Variants in LRRC8D observed in about 807,000 individuals in gnomAD.
The protein encoded by LRRC8D is leucine rich repeat containing 8 VRAC subunit D.
LRRC8D carries 20 observed loss-of-function variants against 55.8 expected under a neutral mutation model. The ratio of observed to expected loss-of-function variants is 0.36; its 90% confidence interval spans 0.25 to 0.52. LRRC8D has a LOEUF of 0.52. Ranked by LOEUF, LRRC8D falls within the 20% of genes least tolerant of loss-of-function variation. LRRC8D has a pLI of 0.93. For missense variants in LRRC8D, 651 were observed against 1,030.8 expected, an observed-to-expected ratio of 0.63 and a Z score of 5.05; for synonymous variants, 352 against 377.0, an observed-to-expected ratio of 0.93 and a Z score of 0.77.
intron 2 of LRRC8D, among the ~76,000 whole-genome samples, chr1:89,919,929 C>G (rs984038142): frequency 6.6e-6 from 1 of 152,136 alleles, no homozygotes; most frequent in Non-Finnish European, 1.5e-5. Flanking sequence ...TACTGAAGCT[C>G]TTGTGAAATT....
At chr1:89,866,714 G>A (rs1287427106) in intron 2 of LRRC8D, among the ~76,000 whole-genome samples, 1 of 152,090 alleles carries the variant, frequency 6.6e-6, no homozygotes, top group Non-Finnish European at 1.5e-5. Flanking sequence ...GGCCCGATAG[G>A]CTCTCTGTTG....
At position 89,936,424 on chromosome 1, in the gene LRRC8D, A is replaced by G. The variant is rs1663858234; in HGVS notation, c.*779A>G. ...ATGTTTTCTAAAAATAAATTTTATT[A>G]CAACAAAATAAAAATTTTAATGACT... On this transcript the variant is annotated 3_prime_UTR_variant, in exon 3 of 3. Coordinates refer to ENST00000337338, the MANE Select transcript of LRRC8D (RefSeq NM_001134479.2). 6.2e-6 allele frequency: 1 copy of G among 161,512 alleles called. No individual in the cohort carries two copies. Among genetic ancestry groups the G allele is most frequent in the Non-Finnish European group, 1.5e-5 (1 of 68,100 alleles). The allele number at this position is 161,512 out of a possible 1,614,324, so 10.0% of individuals were successfully genotyped here. A position where few individuals can be genotyped will look rare whatever the true frequency, so the allele number is the denominator to read the frequency against.
At chr1:89,866,747 G>A (rs1661859508) in intron 2 of LRRC8D, among the ~76,000 whole-genome samples, 1 of 152,006 alleles carries the variant, frequency 6.6e-6, no homozygotes, top group Non-Finnish European at 1.5e-5. Context: ...GGCTATTTCT[G>A]GTTACCTAGG....
rs919592900 is a variant in LRRC8D at position 89,826,575 on chromosome 1, G to A, written c.-148+5284G>A. ...CTACCCTTAAATTTTATAGTTGAGC[G>A]TATCCAGGCACAGGGAGGTGATGTG... On this transcript the variant is annotated intron_variant, in intron 1 of 2. Transcript: ENST00000337338. Among the ~76,000 whole-genome samples, 6 of 152,122 alleles carry A rather than the reference G, an allele frequency of 3.9e-5. No homozygotes were observed. In the South Asian group the frequency reaches 6.2e-4, roughly 16 times the overall value.
chr1:89,822,482 A>G (rs540601224), intron 1 of LRRC8D, among the ~76,000 whole-genome samples: 27 of 152,200 alleles, frequency 1.8e-4, no homozygotes, highest in Non-Finnish European at 3.1e-4. Flanking sequence ...CTCTGAGGAC[A>G]TATTTTGGAA....
At chr1:89,856,262 C>T (rs1345025470) in intron 2 of LRRC8D, among the ~76,000 whole-genome samples, 1 of 151,910 alleles carries the variant, frequency 6.6e-6, no homozygotes, top group African/African-American at 2.4e-5. Flanking sequence ...ATGCTAGTAG[C>T]AAAAGTTTAG....
chr1:89,876,745 G>T (rs562516797), intron 2 of LRRC8D, among the ~76,000 whole-genome samples: 1 of 152,242 alleles, frequency 6.6e-6, no homozygotes, highest in Non-Finnish European at 1.5e-5. Context: ...GTCTGTGGAT[G>T]CTTTGCACTA....
At chr1:89,835,525 T>C (rs1300531563) in intron 1 of LRRC8D, among the ~76,000 whole-genome samples, 1 of 152,196 alleles carries the variant, frequency 6.6e-6, no homozygotes, top group Non-Finnish European at 1.5e-5. Context: ...GATTTCTCCT[T>C]TTTTGTTGCT....
At chr1:89,907,069 C>A (rs1663013327) in intron 2 of LRRC8D, among the ~76,000 whole-genome samples, 1 of 151,838 alleles carries the variant, frequency 6.6e-6, no homozygotes, top group South Asian at 2.1e-4. Flanking sequence ...ACAAATCTGT[C>A]AGCATTTACT....
At chr1:89,913,253 C>T (rs1663177457) in intron 2 of LRRC8D, among the ~76,000 whole-genome samples, 1 of 152,202 alleles carries the variant, frequency 6.6e-6, no homozygotes, top group African/African-American at 2.4e-5. Context: ...AATGTTATCT[C>T]TAGATGGGCA....
chr1:89,879,662 A>T (rs367684236), intron 2 of LRRC8D, among the ~76,000 whole-genome samples: 3 of 152,124 alleles, frequency 2.0e-5, no homozygotes, highest in East Asian at 3.8e-4. Context: ...ACTAGTAGAC[A>T]CCGTTGTTCT....
intron 2 of LRRC8D, among the ~76,000 whole-genome samples, chr1:89,923,541 C>G (rs1475297851): frequency 6.6e-6 from 1 of 151,842 alleles, no homozygotes; most frequent in Admixed American, 6.6e-5. Context: ...CTATTCCTAT[C>G]AAACTACCAG....
intron 2 of LRRC8D, among the ~76,000 whole-genome samples, chr1:89,845,600 C>A (rs1028451857): frequency 2.0e-5 from 3 of 151,968 alleles, no homozygotes; most frequent in Admixed American, 6.6e-5. Context: ...CCACACCCAG[C>A]GAATTTTTGT....
At chr1:89,864,265 G>A (rs1405437306) in intron 2 of LRRC8D, among the ~76,000 whole-genome samples, 3 of 151,654 alleles carry the variant, frequency 2.0e-5, no homozygotes, top group African/African-American at 7.3e-5. Context: ...TTTTTGTTTT[G>A]AAAAAACTGT....
Position 89,856,443 on chromosome 1 carries a change from A to T in LRRC8D, c.-3+12661A>T, listed in dbSNP as rs149223162. Among the ~76,000 whole-genome samples, 50 of 152,350 alleles carry T rather than the reference A, an allele frequency of 3.3e-4. No homozygotes were observed. In the East Asian group the frequency reaches 7.7e-3, roughly 23 times the overall value. ...TTAAAGAAAGAAAGTAAATGCTCTT[A>T]TGATTGGCAGATTTTTATTTGTGGG... is the stretch of plus-strand genomic sequence containing the variant. On this transcript the variant is annotated intron_variant, in intron 2 of 2. Coordinates refer to ENST00000337338, the MANE Select transcript of LRRC8D (RefSeq NM_001134479.2).
intron 1 of LRRC8D, among the ~76,000 whole-genome samples, chr1:89,824,430 T>C (rs1293390393): frequency 6.6e-6 from 1 of 152,174 alleles, no homozygotes; most frequent in Non-Finnish European, 1.5e-5. Context: ...GAAATCAGAA[T>C]TGGCATTTTA....
chr1:89,875,998 A>C (rs1166479925), intron 2 of LRRC8D, among the ~76,000 whole-genome samples: 1 of 152,110 alleles, frequency 6.6e-6, no homozygotes, highest in Non-Finnish European at 1.5e-5. Context: ...ATATTTTGGG[A>C]TCATGTTGGG....
intron 2 of LRRC8D, among the ~76,000 whole-genome samples, chr1:89,891,101 C>T (rs929539305): frequency 1.3e-5 from 2 of 152,102 alleles, no homozygotes; most frequent in Non-Finnish European, 2.9e-5. Context: ...AGGATGGTCT[C>T]GATCTCGTGA....
chr1:89,831,654 A>G (rs921003535), intron 1 of LRRC8D, among the ~76,000 whole-genome samples: 3 of 152,188 alleles, frequency 2.0e-5, no homozygotes, highest in African/African-American at 7.2e-5. Flanking sequence ...GGGGGCAAAG[A>G]GTGCTATTAT....
Sources: gnomAD v4.1 joint callset for allele counts (sites outside exome capture counted in the v4.1 genomes callset) on GRCh38, gnomAD v4.1.1 for gene constraint, MANE v1.5 for transcripts, NCBI Gene and HGNC (gene_info 2026-07-23, HGNC 2026-07-21) for gene names.